CIRSR: variants seen among roughly 807,000 people sequenced by gnomAD.
CIRSR encodes corepressor of RBPJ and splicing regulator.
the CIRSR span, among the ~76,000 whole-genome samples, chr2:174,371,755 G>C: frequency 1.3e-5 from 2 of 152,212 alleles, no homozygotes; most frequent in African/African-American, 4.8e-5. Context: ...ACTAAACTAA[G>C]AATTTCATAA....
the CIRSR span, among the ~76,000 whole-genome samples, chr2:174,388,813 G>C: frequency 2.6e-4 from 40 of 152,228 alleles, no homozygotes; most frequent in Non-Finnish European, 3.4e-4. Flanking sequence ...ATCCCCATGT[G>C]TCATGGGAGG....
At chr2:174,394,226 T>C in the CIRSR span, among the ~76,000 whole-genome samples, 6 of 152,204 alleles carry the variant, frequency 3.9e-5, no homozygotes, top group Non-Finnish European at 8.8e-5. Context: ...AATTATGATT[T>C]CTCAGGTATA....
At chr2:174,386,260 C>G in the CIRSR span, among the ~76,000 whole-genome samples, 1 of 152,196 alleles carries the variant, frequency 6.6e-6, no homozygotes, top group African/African-American at 2.4e-5. Flanking sequence ...TGGCTTAGCA[C>G]AACTTCTGCC....
the CIRSR span, among the ~76,000 whole-genome samples, chr2:174,364,107 G>T: frequency 1.3e-5 from 2 of 152,170 alleles, no homozygotes; most frequent in Admixed American, 1.3e-4. Flanking sequence ...TGGGAGTACA[G>T]GTATTGGCTA....
the CIRSR span, among the ~76,000 whole-genome samples, chr2:174,357,691 G>A: frequency 2.6e-5 from 4 of 152,102 alleles, no homozygotes; most frequent in Non-Finnish European, 5.9e-5. Context: ...TGTGTCTAAT[G>A]GGACTTATCA....
the CIRSR span, among the ~76,000 whole-genome samples, chr2:174,379,696 T>TA: frequency 1.3e-5 from 2 of 149,664 alleles, no homozygotes; most frequent in Non-Finnish European, 3.0e-5. Flanking sequence ...TAGCTCTCAC[T>TA]ATAAAAGTTT....
the CIRSR span, among the ~76,000 whole-genome samples, chr2:174,359,064 G>C: frequency 1.4e-4 from 21 of 152,136 alleles, no homozygotes; most frequent in African/African-American, 4.8e-4. Context: ...GCATCCATGA[G>C]CCTCAAAAAC....
the CIRSR span, among the ~76,000 whole-genome samples, chr2:174,382,376 C>T: frequency 2.6e-5 from 4 of 152,166 alleles, no homozygotes; most frequent in African/African-American, 7.2e-5. Flanking sequence ...CAGTGGCTCA[C>T]ACCTGTAATC....
the CIRSR span, among the ~76,000 whole-genome samples, chr2:174,354,380 C>G: frequency 8.2e-5 from 9 of 109,430 alleles, no homozygotes; most frequent in Non-Finnish European, 1.2e-4. Flanking sequence ...ACATATATTA[C>G]TTATATATGT....
the CIRSR span, among the ~76,000 whole-genome samples, chr2:174,349,825 G>A: frequency 6.6e-6 from 1 of 151,850 alleles, no homozygotes; most frequent in Non-Finnish European, 1.5e-5. Context: ...ACATCAGTTG[G>A]AACTACTAAA....
chr2:174,372,867 C>A, the CIRSR span, among the ~76,000 whole-genome samples: 1 of 152,140 alleles, frequency 6.6e-6, no homozygotes, highest in Non-Finnish European at 1.5e-5. Context: ...CAGGTGTGAG[C>A]CACCGAGCCT....
At chr2:174,377,789 C>G in the CIRSR span, among the ~76,000 whole-genome samples, 2 of 137,116 alleles carry the variant, frequency 1.5e-5, no homozygotes, top group African/African-American at 2.8e-5. Flanking sequence ...TGCGCCACTG[C>G]ACTCCAGCCT....
chr2:174,393,212 T>G, the CIRSR span, among the ~76,000 whole-genome samples: 1,018 of 152,112 alleles, frequency 6.7e-3, 11 homozygotes, highest in African/African-American at 0.023. Context: ...ACAAGAAGAC[T>G]AAAGAGCTTG....
chr2:174,395,074 A>G, the CIRSR span, among the ~76,000 whole-genome samples: 622 of 152,302 alleles, frequency 4.1e-3, 6 homozygotes, highest in African/African-American at 0.014. Context: ...AAGTATTACA[A>G]CTGGTAGACC....
the CIRSR span, among the ~76,000 whole-genome samples, chr2:174,388,725 AAAATT>A: frequency 1.3e-5 from 2 of 152,166 alleles, no homozygotes; most frequent in Admixed American, 1.3e-4. Flanking sequence ...TATATAAAAT[AAAATT>A]ATATATCATG....
chr2:174,377,715 C>T, the CIRSR span, among the ~76,000 whole-genome samples: 1 of 143,588 alleles, frequency 7.0e-6, no homozygotes, highest in South Asian at 2.2e-4. Context: ...CAGCTAGCTA[C>T]TCGGGGGGCT....
At chr2:174,378,628 C>A in the CIRSR span, 1 of 342,724 alleles carries the variant, frequency 2.9e-6, no homozygotes, top group Non-Finnish European at 5.4e-6. Context: ...TTTTTCCTTC[C>A]ATTTTTAGGC....
the CIRSR span, among the ~76,000 whole-genome samples, chr2:174,386,041 A>T: frequency 6.6e-6 from 1 of 152,292 alleles, no homozygotes; most frequent in South Asian, 2.1e-4. Context: ...TAAAGAATAA[A>T]CATGAACACT....
chr2:174,377,824 C>CAAAAAAAAAAA, the CIRSR span, among the ~76,000 whole-genome samples: 4 of 60,070 alleles, frequency 6.7e-5, no homozygotes, highest in Admixed American at 2.6e-4. Context: ...GACGCCATCT[C>CAAAAAAAAAAA]AAAAAAAAAA....
Sources: allele counts gnomAD v4.1 joint callset (sites outside exome capture counted in the v4.1 genomes callset), GRCh38; gene constraint gnomAD v4.1.1; transcripts MANE v1.5; gene names NCBI Gene and HGNC (gene_info 2026-07-23, HGNC 2026-07-21).